Variants in NFILZ observed in about 807,000 individuals in gnomAD.
The protein encoded by NFILZ is NFIL3 like basic leucine zipper, also known as NFIL3 like protein.
chr19:8,660,294 A>G (rs1369268806), intron 3 of NFILZ, among the ~76,000 whole-genome samples: 1 of 152,054 alleles, frequency 6.6e-6, no homozygotes, highest in Non-Finnish European at 1.5e-5. Flanking sequence ...CCTTCATTCA[A>G]CAAACAGTTA....
intron 3 of NFILZ, among the ~76,000 whole-genome samples, chr19:8,641,924 G>A (rs1490143060): frequency 1.3e-5 from 2 of 152,016 alleles, no homozygotes; most frequent in Admixed American, 1.3e-4. Flanking sequence ...AAACTCCCAG[G>A]CTCAAGGGAT....
chr19:8,680,417 A>C lies in NFILZ; in HGVS notation c.*2782A>C, dbSNP rs782472356. Among the ~76,000 whole-genome samples, 11 of 152,076 alleles carry C rather than the reference A, an allele frequency of 7.2e-5. No homozygotes were observed. Among genetic ancestry groups the C allele is most frequent in the Non-Finnish European group, 1.5e-4 (10 of 68,026 alleles). On this transcript the variant is annotated 3_prime_UTR_variant, in exon 6 of 6. Coordinates refer to ENST00000691075, the MANE Select transcript of NFILZ (RefSeq NM_001378600.1). Reference sequence around the variant, plus strand: ...ATTCAAGGCATGTTTTGTTGTAAAAAGTCTGAAAATCATATGCAGCCGAGT... The same window carrying C: ...ATTCAAGGCATGTTTTGTTGTAAAACGTCTGAAAATCATATGCAGCCGAGT...
intron 3 of NFILZ, among the ~76,000 whole-genome samples, chr19:8,647,791 GCGCGCACACACACACACACA>G (rs1473937380): frequency 3.9e-4 from 27 of 70,026 alleles, no homozygotes; most frequent in South Asian, 1.1e-3. Flanking sequence ...GCGCGCGCGC[GCGCGCACACACACACACACA>G]CACACACACA....
At position 8,647,782 on chromosome 19, in the gene NFILZ, C is replaced by CGCGT. The variant is rs1555747258; in HGVS notation, c.-164+12039_-164+12040insTGCG. ...ACACACACACACACGCACACATGCG[C>CGCGT]GCGCGCGCGCGCGCACACACACACA... On this transcript the variant is annotated intron_variant, in intron 3 of 5. Coordinates refer to ENST00000691075, the MANE Select transcript of NFILZ (RefSeq NM_001378600.1). Among the ~76,000 whole-genome samples the CGCGT allele has an allele frequency of 6.9e-4, 42 of 60,800 alleles. 1 individual carries two copies. Among genetic ancestry groups the CGCGT allele is most frequent in the African/African-American group, 2.8e-3 (40 of 14,198 alleles). The allele number at this position is 60,800 out of a possible 152,430, so 39.9% of individuals were successfully genotyped here. A position where few individuals can be genotyped will look rare whatever the true frequency, so the allele number is the denominator to read the frequency against.
chr19:8,653,064 C>T (rs1250713011), intron 3 of NFILZ, among the ~76,000 whole-genome samples: 47 of 129,326 alleles, frequency 3.6e-4, no homozygotes, highest in African/African-American at 7.7e-4. Context: ...CTCTCTCTCT[C>T]TCTCTCTCTC....
intron 2 of NFILZ, among the ~76,000 whole-genome samples, chr19:8,634,066 C>G (rs1442836586): frequency 6.6e-6 from 1 of 151,458 alleles, no homozygotes; most frequent in Middle Eastern, 3.4e-3. Flanking sequence ...GGCGCCATCT[C>G]GGCTCATTGC....
At chr19:8,650,840 T>C (rs1026017174) in intron 3 of NFILZ, among the ~76,000 whole-genome samples, 1 of 152,216 alleles carries the variant, frequency 6.6e-6, no homozygotes, top group African/African-American at 2.4e-5. Context: ...ATAATGTACA[T>C]GTAAACTTCA....
chr19:8,662,962 T>A (rs2043038827), intron 3 of NFILZ, among the ~76,000 whole-genome samples: 1 of 150,522 alleles, frequency 6.6e-6, no homozygotes, highest in African/African-American at 2.4e-5. Flanking sequence ...TTTTTTTTTT[T>A]TAAGAGACAG....
At chr19:8,647,058 T>G (rs2042941968) in intron 3 of NFILZ, among the ~76,000 whole-genome samples, 1 of 152,176 alleles carries the variant, frequency 6.6e-6, no homozygotes. Flanking sequence ...TCCTGCCTTA[T>G]AAGTTTGGGT....
rs544537072 is a variant in NFILZ, at chr19:8,678,852, G to A, written c.*1217G>A. 6.6e-6 allele frequency among the ~76,000 whole-genome samples: 1 copy of A among 152,232 alleles called. No individual in the cohort carries two copies. Among genetic ancestry groups the A allele is most frequent in the East Asian group, 1.9e-4 (1 of 5,192 alleles). On this transcript the variant is annotated 3_prime_UTR_variant, in exon 6 of 6. Transcript: ENST00000691075. ...CACGATCTTTAGACCTTCCTTTTGT[G>A]CCCAGTTAGTGACAAGTGAGAAGAC...
At chr19:8,663,750 G>GTGTGTGTGTGTATGTGTGTA (rs1555674970) in intron 3 of NFILZ, among the ~76,000 whole-genome samples, 7 of 137,062 alleles carry the variant, frequency 5.1e-5, no homozygotes, top group Non-Finnish European at 7.9e-5. Flanking sequence ...GTGTGTGTGT[G>GTGTGTGTGTGTATGTGTGTA]TGTGTGTGTG....
intron 3 of NFILZ, among the ~76,000 whole-genome samples, chr19:8,653,527 G>GT (rs1314850911): frequency 4.6e-5 from 7 of 152,182 alleles, no homozygotes; most frequent in African/African-American, 1.2e-4. Context: ...CTGCACGCAT[G>GT]TTTTTTCCAG....
At chr19:8,631,863 T>TGC (rs1555745592) in intron 1 of NFILZ, among the ~76,000 whole-genome samples, 144 of 151,106 alleles carry the variant, frequency 9.5e-4, no homozygotes, top group Non-Finnish European at 4.0e-4. Context: ...TGTGTGTGTG[T>TGC]GTGTTTTGTT....
rs2043111773 is a variant in NFILZ at position 8,676,756 on chromosome 19, C to T, written c.-10C>T. ...AACTCTTTCCTTTTTCCCAGGTTCT[C>T]CAAGCAGCTATGGATGTGGGTTTCT... On this transcript the variant is annotated 5_prime_UTR_variant, in exon 6 of 6. Transcript: ENST00000691075. 1 of 152,426 alleles carries T rather than the reference C, an allele frequency of 6.6e-6. No individual in the cohort carries two copies. Among genetic ancestry groups the T allele is most frequent in the African/African-American group, 2.4e-5 (1 of 41,464 alleles). The allele number at this position is 152,426 out of a possible 1,614,324, so 9.4% of individuals were successfully genotyped here.
intron 1 of NFILZ, 24 bp from the exon 2 acceptor site, chr19:8,632,452 C>T (rs922701082): frequency 3.9e-5 from 6 of 152,046 alleles, no homozygotes; most frequent in Admixed American, 1.3e-4. Context: ...GTCATAAAGA[C>T]CTTGCTGATA....
intron 3 of NFILZ, among the ~76,000 whole-genome samples, chr19:8,639,600 A>T (rs1388141172): frequency 2.5e-5 from 3 of 118,472 alleles, no homozygotes; most frequent in Non-Finnish European, 3.4e-5. Flanking sequence ...TAAGAAAATT[A>T]AAAAAAAAAA....
intron 3 of NFILZ, among the ~76,000 whole-genome samples, chr19:8,671,374 A>G (rs1197718280): frequency 1.3e-5 from 2 of 152,062 alleles, no homozygotes; most frequent in East Asian, 3.9e-4. Context: ...CTGCTGCCCC[A>G]TCTCCCTCTG....
intron 3 of NFILZ, among the ~76,000 whole-genome samples, chr19:8,669,198 G>T (rs1555750079): frequency 6.6e-6 from 1 of 152,200 alleles, no homozygotes. Flanking sequence ...GCCCACCTTG[G>T]CCTCCCAAAG....
chr19:8,640,724 T>G (rs2042915666), intron 3 of NFILZ, among the ~76,000 whole-genome samples: 1 of 152,172 alleles, frequency 6.6e-6, no homozygotes, highest in African/African-American at 2.4e-5. Context: ...TTGTGGACTC[T>G]TCTCACAGTT....
Sources: gnomAD v4.1 joint callset for allele counts (sites outside exome capture counted in the v4.1 genomes callset) on GRCh38, gnomAD v4.1.1 for gene constraint, MANE v1.5 for transcripts, NCBI Gene and HGNC (gene_info 2026-07-23, HGNC 2026-07-21) for gene names.